TRABD2A: variants seen among roughly 807,000 people sequenced by gnomAD.
TRABD2A encodes the protein metalloprotease TIKI1.
TRABD2A carries 43 observed loss-of-function variants against 45.6 expected under a neutral mutation model. The observed-to-expected ratio is 0.94, with a 90% CI of 0.74 to 1.22. TRABD2A has a LOEUF of 1.22. Ranked by LOEUF, TRABD2A falls within the 50% of genes most tolerant of loss-of-function variation. TRABD2A has a pLI of 0.00. For missense variants in TRABD2A, 642 were observed against 652.4 expected (o/e 0.98, Z 0.17); for synonymous variants, 269 against 265.0 (o/e 1.02, Z -0.15).
chr2:84,878,887 G>C (rs979840263), intron 1 of TRABD2A, among the ~76,000 whole-genome samples: 1 of 152,158 alleles, frequency 6.6e-6, no homozygotes, highest in Non-Finnish European at 1.5e-5. Flanking sequence ...AATTCCGCAG[G>C]GGGTAAGACA....
intron 1 of TRABD2A, among the ~76,000 whole-genome samples, chr2:84,877,128 C>A (rs912923046): frequency 6.6e-6 from 1 of 152,178 alleles, no homozygotes; most frequent in Non-Finnish European, 1.5e-5. Context: ...TCCTGCCCTA[C>A]CAGACATGTC....
intron 4 of TRABD2A, chr2:84,833,771 G>A (rs1033955179): frequency 1.3e-5 from 2 of 149,698 alleles, no homozygotes; most frequent in Non-Finnish European, 3.0e-5. Context: ...TGGGCACTTC[G>A]GGCATCAGGA....
At chr2:84,844,386 C>T (rs771674323) in intron 2 of TRABD2A, among the ~76,000 whole-genome samples, 73 of 152,278 alleles carry the variant, frequency 4.8e-4, no homozygotes, top group Non-Finnish European at 9.9e-4. Flanking sequence ...GCCTTTCCTC[C>T]TCCTTCACCT....
intron 2 of TRABD2A, among the ~76,000 whole-genome samples, chr2:84,847,748 T>A (rs1048120599): frequency 4.4e-4 from 67 of 152,334 alleles, no homozygotes; most frequent in African/African-American, 1.5e-3. Context: ...GTTAGGCTCC[T>A]AGGGCTGCCA....
At chr2:84,844,304 G>A (rs1293816928) in intron 2 of TRABD2A, among the ~76,000 whole-genome samples, 2 of 152,162 alleles carry the variant, frequency 1.3e-5, no homozygotes, top group Non-Finnish European at 2.9e-5. Flanking sequence ...TCGTGATAGT[G>A]AATAAGTCTC....
In TRABD2A at chr2:84,822,058, G is replaced by A. The variant is rs764945705; in HGVS notation, c.1377C>T (p.His459=). The change falls in exon 7 of 7, where the codon CAC becomes CAT. Residue 459 remains histidine, a synonymous_variant. Coordinates refer to ENST00000409520, the MANE Select transcript of TRABD2A (RefSeq NM_001277053.2). ...GAGGGAGCCGCAGTTCAGTGGAGATGTGCCTGTCCAGGACAGGGACCTGGA... is the reference window on the plus strand; with the variant it reads ...GAGGGAGCCGCAGTTCAGTGGAGATATGCCTGTCCAGGACAGGGACCTGGA... ...PQLQVPVLDR[H]ISTELRLPRR... The A allele has an allele frequency of 2.7e-5, 43 of 1,589,980 alleles. No individual in the cohort carries two copies. The South Asian group carries it at 4.3e-4, about 16-fold the overall frequency.
Position 84,830,867 on chromosome 2 carries a change from C to T in TRABD2A, c.1082+1188G>A, listed in dbSNP as rs184739495. 6.6e-6 allele frequency among the ~76,000 whole-genome samples: 1 copy of T among 152,186 alleles called. No homozygotes were observed. The highest frequency in any genetic ancestry group is 1.5e-5 in the Non-Finnish European group (1 of 68,000). On this transcript the variant is annotated intron_variant, in intron 5 of 6. Transcript: ENST00000409520. This position sits in a 1 kb window ranked among gnomAD's most constrained non-coding sequence, Gnocchi z 4.9. ...GAGAAAGAGGGCAGCTGGAGATGGG[C>T]GGCCTTCGGGCAGACACAACTGCTG... is the stretch of plus-strand genomic sequence containing the variant.
rs191931316 is a variant in TRABD2A at position 84,858,013 on chromosome 2, C to A, written c.669+12212G>T. Among the ~76,000 whole-genome samples the A allele has an allele frequency of 1.1e-4, 16 of 152,220 alleles. No individual in the cohort carries two copies. In the East Asian group the frequency reaches 2.9e-3, roughly 28 times the overall value. ...GCCTTAGCCTCCTGAGTAGCTAGGA[C>A]TACAGGCGCTCACCACCATGCCCAG... On this transcript the variant is annotated intron_variant, in intron 2 of 6. Coordinates refer to ENST00000409520, the MANE Select transcript of TRABD2A (RefSeq NM_001277053.2).
rs1410006089 is a variant in TRABD2A, at chr2:84,870,702, G to A, written c.192C>T (p.Thr64=). The A allele has an allele frequency of 1.2e-6, 2 of 1,604,570 alleles. No homozygotes were observed. The highest frequency in any genetic ancestry group is 2.2e-5 in the South Asian group (2 of 89,152). ...YFFGTIHVPY[T]RVWDFIPDNS... ...TGTCGGGGATGAAGTCCCAAACTCG[G>A]GTGTACGGGACATGGATTGTGCCAA... The change falls in exon 2 of 7, where the codon ACC becomes ACT. Residue 64 remains threonine (T), a synonymous_variant. Coordinates refer to ENST00000409520, the MANE Select transcript of TRABD2A (RefSeq NM_001277053.2).
chr2:84,862,230 ACT>A (rs1682523943), intron 2 of TRABD2A, among the ~76,000 whole-genome samples: 1 of 152,052 alleles, frequency 6.6e-6, no homozygotes, highest in African/African-American at 2.4e-5. Flanking sequence ...AGTGGGGTAG[ACT>A]CTGCCTCAAC....
chr2:84,879,791 G>C (rs1432969028), intron 1 of TRABD2A, among the ~76,000 whole-genome samples: 2 of 152,134 alleles, frequency 1.3e-5, no homozygotes, highest in African/African-American at 4.8e-5. Context: ...GCAGCCCCGC[G>C]ACGCCTTACA....
intron 5 of TRABD2A, among the ~76,000 whole-genome samples, chr2:84,825,708 A>G (rs1681126906): frequency 6.6e-6 from 1 of 152,114 alleles, no homozygotes; most frequent in African/African-American, 2.4e-5. Context: ...CAAGCCATGG[A>G]CTAGCACTAG....
intron 2 of TRABD2A, among the ~76,000 whole-genome samples, chr2:84,861,981 C>T (rs937724391): frequency 6.6e-6 from 1 of 152,126 alleles, no homozygotes; most frequent in Non-Finnish European, 1.5e-5. Context: ...CAGGGAGGTA[C>T]ACAAAAAGTG....
intron 1 of TRABD2A, 126 bp from the exon 2 acceptor site, chr2:84,870,911 G>A (rs1682855007): frequency 3.0e-6 from 3 of 985,638 alleles, no homozygotes; most frequent in Non-Finnish European, 4.4e-6. Context: ...AGACTTTTGA[G>A]TCCGTGTAGA....
intron 2 of TRABD2A, among the ~76,000 whole-genome samples, chr2:84,859,949 TGG>T (rs149173736): frequency 6.7e-6 from 1 of 149,820 alleles, no homozygotes; most frequent in African/African-American, 2.5e-5. Flanking sequence ...TTTGGAGAGA[TGG>T]GGGGGGGTCT....
At chr2:84,849,854 C>T (rs183401004) in intron 2 of TRABD2A, among the ~76,000 whole-genome samples, 64 of 152,212 alleles carry the variant, frequency 4.2e-4, no homozygotes, top group Non-Finnish European at 3.8e-4. Flanking sequence ...GACTCACTCT[C>T]GCCAGAAGGG....
chr2:84,839,276 A>G lies in TRABD2A; in HGVS notation c.864T>C (p.Thr288=). 1 of 1,613,908 alleles carries G rather than the reference A, an allele frequency of 6.2e-7. No individual in the cohort carries two copies. The highest frequency in any genetic ancestry group is 1.3e-5 in the African/African-American group (1 of 75,024). The change falls in exon 4 of 7, where the codon ACT becomes ACC. Residue 288 remains threonine, a synonymous_variant. Coordinates refer to ENST00000409520, the MANE Select transcript of TRABD2A (RefSeq NM_001277053.2). Reference sequence around the variant, plus strand: ...GTAAGTAGCTGTCAATCTCCTGAGCAGTGATGCGCTCCTGAGGTGGTAGCG... The same window carrying G: ...GTAAGTAGCTGTCAATCTCCTGAGCGGTGATGCGCTCCTGAGGTGGTAGCG... The part of the protein sequence containing the change: ...NATLPPQERI[T]AQEIDSYLRR...
In TRABD2A at chr2:84,830,851, G is replaced by A. The variant is rs2105373538; in HGVS notation, c.1082+1204C>T. ...AGGGGGGCCTTCTGAGGAGAAAGAG[G>A]GCAGCTGGAGATGGGCGGCCTTCGG... On this transcript the variant is annotated intron_variant, in intron 5 of 6. Transcript: ENST00000409520. This position sits in a 1 kb window ranked among gnomAD's most constrained non-coding sequence, Gnocchi z 4.9. 6.6e-6 allele frequency among the ~76,000 whole-genome samples: 1 copy of A among 152,284 alleles called. No homozygotes were observed. The highest frequency in any genetic ancestry group is 1.9e-4 in the East Asian group (1 of 5,186).
At chr2:84,846,148 A>G (rs552607954) in intron 2 of TRABD2A, among the ~76,000 whole-genome samples, 1 of 152,338 alleles carries the variant, frequency 6.6e-6, no homozygotes, top group African/African-American at 2.4e-5. Context: ...AGGAGACCAT[A>G]CTATAAACAC....
Sources: gnomAD v4.1 joint callset for allele counts (sites outside exome capture counted in the v4.1 genomes callset) on GRCh38, gnomAD v4.1.1 for gene constraint, Gnocchi (gnomAD v3.1) non-coding constraint, MANE v1.5 for transcripts, NCBI Gene and HGNC (gene_info 2026-07-23, HGNC 2026-07-21) for gene names.